ZDHHC11B: variants seen among roughly 807,000 people sequenced by gnomAD.
The protein encoded by ZDHHC11B is zDHHC palmitoyltransferase 11B (putative).
A neutral mutation model predicts 42.3 loss-of-function variants in ZDHHC11B; 17 were observed. The ratio of observed to expected loss-of-function variants is 0.40; its 90% CI spans 0.27 to 0.60. ZDHHC11B has a LOEUF of 0.60. ZDHHC11B is among the 20% of genes least tolerant of loss of function. ZDHHC11B has a pLI of 0.41. For synonymous variants in ZDHHC11B, 123 were observed against 193.5 expected, an observed-to-expected ratio of 0.64 and a Z score of 3.02; for missense variants, 262 against 463.2, an observed-to-expected ratio of 0.57 and a Z score of 3.99.
intron 4 of ZDHHC11B, among the ~76,000 whole-genome samples, chr5:761,068 A>G (rs1473262686): frequency 6.6e-6 from 1 of 151,842 alleles, no homozygotes; most frequent in Non-Finnish European, 1.5e-5. Flanking sequence ...ACTCCGTCGC[A>G]ACATGCCCAG....
chr5:770,045 C>T (rs953474760), intron 1 of ZDHHC11B, among the ~76,000 whole-genome samples: 6 of 151,868 alleles, frequency 4.0e-5, no homozygotes, highest in Admixed American at 1.3e-4. Context: ...CCCAGTCCTT[C>T]GAGGGGTCCC....
At chr5:736,987 T>A (rs1743596973) in intron 10 of ZDHHC11B, among the ~76,000 whole-genome samples, 2 of 139,682 alleles carry the variant, frequency 1.4e-5, no homozygotes, top group South Asian at 2.5e-4. Context: ...TAAATGAAAT[T>A]CAAACAAAAA....
intron 12 of ZDHHC11B, among the ~76,000 whole-genome samples, chr5:729,708 A>G (rs443144): frequency 0.21 from 25,526 of 121,800 alleles, 1,414 homozygotes; most frequent in African/African-American, 0.26. Flanking sequence ...AAAACTCTGG[A>G]AAATGTTGTA....
In ZDHHC11B at chr5:754,903, C is replaced by A. The variant is rs755483216; in HGVS notation, c.503+95G>T. The A allele has an allele frequency of 4.0e-5, 31 of 780,794 alleles. 3 individuals carry two copies. Among genetic ancestry groups the A allele is most frequent in the Admixed American group, 1.1e-4 (3 of 28,284 alleles). 48.4% of individuals were successfully genotyped at this position (780,794 alleles called of 1,614,324 possible). ...GGGACGTGGCCCCAAGAGGACCCTC[C>A]ACCCTTTCAACACGAGGACCCCTGC... On this transcript the variant is annotated intron_variant, in intron 6 of 13. Coordinates refer to ENST00000508859, the MANE Select transcript of ZDHHC11B (RefSeq NM_001351303.2).
intron 1 of ZDHHC11B, among the ~76,000 whole-genome samples, chr5:783,245 C>T (rs1476699351): frequency 3.3e-5 from 5 of 152,246 alleles, no homozygotes; most frequent in African/African-American, 1.2e-4. Context: ...CCCCCACAGG[C>T]CCTCCGAGGA....
intron 11 of ZDHHC11B, 78 bp from the exon 12 acceptor site, chr5:730,546 C>T: frequency 7.0e-7 from 1 of 1,434,636 alleles, no homozygotes; most frequent in East Asian, 2.6e-5. Flanking sequence ...AAACAAAATT[C>T]AAGTTCATTA....
chr5:745,508 G>C (rs1426994319), intron 8 of ZDHHC11B, among the ~76,000 whole-genome samples: 8 of 149,944 alleles, frequency 5.3e-5, no homozygotes, highest in African/African-American at 1.7e-4. Flanking sequence ...TCAGCAGGAG[G>C]GGTCTGCAGC....
intron 12 of ZDHHC11B, among the ~76,000 whole-genome samples, chr5:729,061 A>C (rs1742807433): frequency 6.7e-6 from 1 of 149,876 alleles, no homozygotes; most frequent in Non-Finnish European, 1.5e-5. Context: ...CTGGGTTGGG[A>C]GGATGAGGCC....
Position 716,270 on chromosome 5 carries a change from T to G in ZDHHC11B, c.*7+531A>C, listed in dbSNP as rs186630465. On this transcript the variant is annotated intron_variant, in intron 13 of 13. Coordinates refer to ENST00000508859, the MANE Select transcript of ZDHHC11B (RefSeq NM_001351303.2). ...CATGTCTGGATGGTTTGCCAACTCA[T>G]GTGTGTGCCTGATAGCAAATTCCTT... Among the ~76,000 whole-genome samples the G allele has an allele frequency of 1.3e-4, 19 of 151,372 alleles. 1 individual carries two copies. The highest frequency in any genetic ancestry group is 3.3e-4 in the Admixed American group (5 of 15,200).
Position 752,646 on chromosome 5 carries a change from G to T in ZDHHC11B, c.504-1389C>A, listed in dbSNP as rs547649777. 1.4e-3 allele frequency among the ~76,000 whole-genome samples: 132 copies of T among 97,418 alleles called. 10 individuals are homozygous for T. Among genetic ancestry groups the T allele is most frequent in the African/African-American group, 3.6e-3 (124 of 34,900 alleles). The allele number at this position is 97,418 out of a possible 152,430, so 63.9% of individuals were successfully genotyped here. Reference sequence around the variant, plus strand: ...CAGTTAGGGCACAGCTGCCTTCCCCGCGCTCCTCCTCCCTCCAAGAGTCTT... The same window carrying T: ...CAGTTAGGGCACAGCTGCCTTCCCCTCGCTCCTCCTCCCTCCAAGAGTCTT... On this transcript the variant is annotated intron_variant, in intron 6 of 13. Transcript: ENST00000508859.
At chr5:718,131 T>G (rs1477861446) in intron 12 of ZDHHC11B, among the ~76,000 whole-genome samples, 1 of 151,688 alleles carries the variant, frequency 6.6e-6, no homozygotes, top group African/African-American at 2.4e-5. Flanking sequence ...GTATGATAGG[T>G]GAAATGGTGG....
At chr5:739,226 T>C (rs1476236973) in intron 10 of ZDHHC11B, among the ~76,000 whole-genome samples, 2 of 150,678 alleles carry the variant, frequency 1.3e-5, no homozygotes, top group African/African-American at 4.9e-5. Flanking sequence ...TGGTGAAACT[T>C]GTCTCTGCTA....
rs202026456 is a variant in ZDHHC11B at position 721,950 on chromosome 5, A to C, written c.1059-5085T>G. 2.3e-3 allele frequency among the ~76,000 whole-genome samples: 344 copies of C among 150,366 alleles called. 10 individuals are homozygous for C. Among genetic ancestry groups the C allele is most frequent in the African/African-American group, 7.6e-3 (307 of 40,430 alleles). ...GCATAAATGGAATTCAGGACAGAAG[A>C]AGCTTTTTATGCCAGTGGGGAGAGG... On this transcript the variant is annotated intron_variant, in intron 12 of 13. Transcript: ENST00000508859.
chr5:711,520 C>A lies in ZDHHC11B; in HGVS notation c.*770G>T, dbSNP rs868027216. On this transcript the variant is annotated 3_prime_UTR_variant, in exon 14 of 14. Transcript: ENST00000508859. ...TTCCCAGTACTGTGCTCATATTTCC[C>A]AGTACTGTGCTCCCATTTCCCAAAA... 4.6e-5 allele frequency: 7 copies of A among 153,752 alleles called. No individual in the cohort carries two copies. In the Middle Eastern group the frequency reaches 3.6e-3, roughly 80 times the overall value. 9.5% of individuals were successfully genotyped at this position (153,752 alleles called of 1,614,324 possible).
chr5:778,924 G>A (rs1195706734), intron 1 of ZDHHC11B, among the ~76,000 whole-genome samples: 1 of 151,792 alleles, frequency 6.6e-6, no homozygotes, highest in African/African-American at 2.4e-5. Context: ...CAGGCTCCTG[G>A]GAATGACCGA....
intron 4 of ZDHHC11B, among the ~76,000 whole-genome samples, chr5:761,170 G>A (rs1232997777): frequency 6.6e-5 from 10 of 151,918 alleles, no homozygotes; most frequent in Non-Finnish European, 1.3e-4. Flanking sequence ...ACCACGGTCC[G>A]ATCACAGCCT....
chr5:710,538 G>C lies in ZDHHC11B; in HGVS notation c.*1752C>G, dbSNP rs1741277845. 1 of 137,158 alleles carries C rather than the reference G, an allele frequency of 7.3e-6. No individual in the cohort carries two copies. Among genetic ancestry groups the C allele is most frequent in the African/African-American group, 2.9e-5 (1 of 34,076 alleles). 8.5% of individuals were successfully genotyped at this position (137,158 alleles called of 1,614,324 possible). On this transcript the variant is annotated 3_prime_UTR_variant, in exon 14 of 14. Transcript: ENST00000508859. ...ACTGAAAAACTCAGAATCCAGGTCT[G>C]GGGTTTCTCAGTACTATGCTCCCAT... is the stretch of plus-strand genomic sequence containing the variant.
At chr5:714,796 C>T (rs1741624384) in intron 13 of ZDHHC11B, among the ~76,000 whole-genome samples, 3 of 144,290 alleles carry the variant, frequency 2.1e-5, no homozygotes, top group African/African-American at 7.6e-5. Context: ...ATTTGATCTC[C>T]ATTGTTGGAG....
rs138725207 is a variant in ZDHHC11B, at chr5:776,418, T to C, written c.-229-7488A>G. On this transcript the variant is annotated intron_variant, in intron 1 of 13. Coordinates refer to ENST00000508859, the MANE Select transcript of ZDHHC11B (RefSeq NM_001351303.2). ...GGACCAGGGAGAAGCAACCCCCCAG[T>C]AAATCCGAAGCACAGGAATGGCACA... 4.6e-3 allele frequency among the ~76,000 whole-genome samples: 698 copies of C among 151,830 alleles called. 21 individuals are homozygous for C. The highest frequency in any genetic ancestry group is 8.3e-3 in the Non-Finnish European group (565 of 67,844).
Sources: allele counts gnomAD v4.1 joint callset (sites outside exome capture counted in the v4.1 genomes callset), GRCh38; gene constraint gnomAD v4.1.1; transcripts MANE v1.5; gene names NCBI Gene and HGNC (gene_info 2026-07-23, HGNC 2026-07-21).